The following SACS variants were observed in gnomAD, a reference collection of about 807,000 sequenced individuals.
SACS encodes the protein sacsin.
SACS carries 197 observed loss-of-function variants against 348.0 expected under a neutral mutation model. The ratio of observed to expected loss-of-function variants is 0.57; its 90% CI spans 0.50 to 0.64. The LOEUF is 0.64. Among genes scored for constraint, SACS ranks in the 30% least tolerant of loss-of-function variants. SACS has a pLI of 0.00. For missense variants in SACS, 4,999 were observed against 5,360.8 expected, an observed-to-expected ratio of 0.93 and a Z score of 2.11; for synonymous variants, 1,985 against 1,910.6, an observed-to-expected ratio of 1.04 and a Z score of -1.02.
rs375213876 is a variant in SACS, at chr13:23,333,714, A to G, written c.10162T>C (p.Leu3388=). Residue 3388 remains leucine (L), a synonymous_variant, in exon 10 of 10, where the codon TTG becomes CTG. Coordinates refer to ENST00000382292, the MANE Select transcript of SACS (RefSeq NM_014363.6). ...KLVENDFEAL[L]MYFNCNLNHL... ...TTCAAATTGCAGTTGAAATACATCA[A>G]AAGTGCCTCAAAATCATTTTCTACT... The G allele has an allele frequency of 3.1e-6, 5 of 1,613,740 alleles. No homozygotes were observed. The highest frequency in any genetic ancestry group is 2.2e-5 in the East Asian group (1 of 44,890).
chr13:23,373,594 G>T, intron 3 of SACS: 1 of 152,882 alleles, frequency 6.5e-6, no homozygotes, highest in Non-Finnish European at 1.5e-5. Context: ...TGGCCAACAT[G>T]GTGAACACCG....
intron 8 of SACS, among the ~76,000 whole-genome samples, 194 bp from the exon 9 acceptor site, chr13:23,354,070 T>C: frequency 1.3e-5 from 2 of 152,380 alleles, no homozygotes; most frequent in Non-Finnish European, 2.9e-5. Context: ...GAAGGCATCA[T>C]GTACTTTACT....
rs368089670 is a variant in SACS, at chr13:23,333,800, G to A, written c.10076C>T (p.Thr3359Ile). 49 of 1,613,726 alleles carry A rather than the reference G, an allele frequency of 3.0e-5. No homozygotes were observed. In the African/African-American group the frequency reaches 5.2e-4, roughly 17 times the overall value. Residue 3359 changes from threonine (T) to isoleucine (I), a missense_variant, in exon 10 of 10, where the codon ACA becomes ATA. Thr to Ile is a moderately conservative substitution (Grantham distance 89). This residue lies in a region of SACS where 734 missense variants were observed against 694.0 expected (regional missense o/e 1.06). Transcript: ENST00000382292. The part of the protein sequence containing the change: ...SCHTANIESP[T>I]SILKALHYMV... ...ATAATGTAGAGCCTTCAAGATGCTT[G>A]TGGGGCTCTCTATATTTGCTGTGTG...
At chr13:23,430,933 T>TA (rs746892953) in intron 1 of SACS, among the ~76,000 whole-genome samples, 1 of 152,180 alleles carries the variant, frequency 6.6e-6, no homozygotes, top group Non-Finnish European at 1.5e-5. Flanking sequence ...TTGAGGGGGA[T>TA]ACCATGGTAG....
At chr13:23,380,320 G>A (rs1713954925) in intron 2 of SACS, among the ~76,000 whole-genome samples, 1 of 152,088 alleles carries the variant, frequency 6.6e-6, no homozygotes, top group Non-Finnish European at 1.5e-5. Context: ...TGCACAGGAA[G>A]GAAACCAAAG....
chr13:23,432,642 A>G (rs1874479596), intron 1 of SACS, among the ~76,000 whole-genome samples: 1 of 152,194 alleles, frequency 6.6e-6, no homozygotes, highest in Non-Finnish European at 1.5e-5. Flanking sequence ...GTCATGTGAC[A>G]AATAAAATGG....
rs139886400 is a variant in SACS, at chr13:23,432,665, T to TTTA, written c.-502+947_-502+949dup. Among the ~76,000 whole-genome samples, 1,445 of 152,072 alleles carry TTTA rather than the reference T, an allele frequency of 9.5e-3. 23 individuals carry two copies. Among genetic ancestry groups the TTTA allele is most frequent in the African/African-American group, 0.032 (1,325 of 41,466 alleles). On this transcript the variant is annotated intron_variant, in intron 1 of 9. Transcript: ENST00000382292. ...ACAAATAAAATGGGATTGTCAATTATTTATTATTATTATTATTATTTTCAT... is the reference window on the plus strand; with the variant it reads ...ACAAATAAAATGGGATTGTCAATTATTTATTATTATTATTATTATTATTTTCAT...
At chr13:23,351,018 C>A (rs138237191) in intron 9 of SACS, among the ~76,000 whole-genome samples, 2 of 152,214 alleles carry the variant, frequency 1.3e-5, no homozygotes, top group African/African-American at 4.8e-5. Flanking sequence ...CCAATGCCTG[C>A]CACAGCTATA....
At chr13:23,388,413 GGT>G (rs71788205) in intron 2 of SACS, among the ~76,000 whole-genome samples, 90,791 of 136,530 alleles carry the variant, frequency 0.66, 30,962 homozygotes, top group East Asian at 0.86. Flanking sequence ...TTTAAAAAAT[GGT>G]GTGTGTGTAT....
intron 1 of SACS, among the ~76,000 whole-genome samples, chr13:23,421,227 G>T (rs1039869684): frequency 2.6e-4 from 40 of 152,048 alleles, no homozygotes; most frequent in African/African-American, 9.4e-4. Context: ...GTTCTCCAGG[G>T]GCCTGATGTC....
chr13:23,431,338 C>T (rs936914021), intron 1 of SACS, among the ~76,000 whole-genome samples: 4 of 152,336 alleles, frequency 2.6e-5, no homozygotes, highest in Non-Finnish European at 5.9e-5. Context: ...CAATCCAGTG[C>T]TTTTCCCAAC....
At chr13:23,390,132 G>A (rs763191185) in intron 2 of SACS, among the ~76,000 whole-genome samples, 13 of 152,028 alleles carry the variant, frequency 8.6e-5, no homozygotes, top group Non-Finnish European at 1.2e-4. Flanking sequence ...AGGAGCTTCT[G>A]TAGGCTTCAA....
rs1208564152 is a variant in SACS, at chr13:23,331,076, T to G, written c.12800A>C (p.Glu4267Ala). ...SAPSTPTSPT[E>A]FLTPGLRSIP... is the part of the protein sequence containing the mutation. ...GCTTCTCAGGCCAGGGGTGAGGAAC[T>G]CAGTGGGGCTGGTTGGTGTAGAAGG... The change falls in exon 10 of 10, where the codon GAG (glutamate) becomes GCG (alanine). Residue 4267 changes from glutamate to alanine, a missense_variant. Transcript: ENST00000382292. 2 of 1,614,086 alleles carry G rather than the reference T, an allele frequency of 1.2e-6. No individual in the cohort carries two copies. The highest frequency in any genetic ancestry group is 2.2e-5 in the South Asian group (2 of 91,078).
rs1593123765 is a variant in SACS at position 23,333,539 on chromosome 13, T to G, written c.10337A>C (p.Gln3446Pro). 1 of 1,613,488 alleles carries G rather than the reference T, an allele frequency of 6.2e-7. No individual in the cohort carries two copies. The highest frequency in any genetic ancestry group is 8.5e-7 in the Non-Finnish European group (1 of 1,179,666). Residue 3446 changes from glutamine to proline, a missense_variant, in exon 10 of 10, where the codon CAG becomes CCG. Gln to Pro is a moderately conservative substitution (Grantham distance 76). Transcript: ENST00000382292. ...IPSAEVEKWT[Q>P]SSSSAFLEEK... ...TTCAAGAAATGCAGATGATGATGAC[T>G]GTGTCCATTTCTCCACTTCAGCTGA...
chr13:23,335,277 C>A lies in SACS; in HGVS notation c.8599G>T (p.Ala2867Ser). 6.2e-7 allele frequency: 1 copy of A among 1,613,850 alleles called. No homozygotes were observed. The change falls in exon 10 of 10, where the codon GCC becomes TCC. Residue 2867 changes from alanine (A) to serine (S), a missense_variant. By Grantham distance (99) the Ala-to-Ser change is moderately conservative. Coordinates refer to ENST00000382292, the MANE Select transcript of SACS (RefSeq NM_014363.6). The surrounding 1 kb of genome is among the most constrained non-coding windows in gnomAD (Gnocchi z 4.7). ...AAAGAAAGAGGCAAAAAACAGAAGG[C>A]CCTATGGGGTTTTTTATAGTTGTGA... ...ITHNYKKPHRAFCFLPLSLET... is the reference protein window; with the variant it reads ...ITHNYKKPHRSFCFLPLSLET...
chr13:23,387,473 A>AAG lies in SACS; in HGVS notation c.21-12205_21-12204insCT, dbSNP rs1257463366. ...CAAGACTCCGTCTCAGAAAAAAAAA[A>AAG]AAAAAAAAAAAAAGTCTGTGAATGA... On this transcript the variant is annotated intron_variant, in intron 2 of 9. Transcript: ENST00000382292. 4.6e-3 allele frequency among the ~76,000 whole-genome samples: 688 copies of AAG among 150,940 alleles called. 2 individuals carry two copies. The highest frequency in any genetic ancestry group is 0.016 in the African/African-American group (647 of 41,152).
rs776727312 is a variant in SACS, at chr13:23,333,752, C to G, written c.10124G>C (p.Arg3375Thr). The G allele has an allele frequency of 1.2e-6, 2 of 1,613,756 alleles. No homozygotes were observed. Among genetic ancestry groups the G allele is most frequent in the Admixed American group, 3.3e-5 (2 of 59,982 alleles). Residue 3375 changes from arginine to threonine, a missense_variant, in exon 10 of 10, where the codon AGA (arginine) becomes ACA (threonine). Around this residue, in one of 6 missense-constraint regions of SACS, gnomAD observed 734 missense variants for 694.0 expected, o/e 1.06. Transcript: ENST00000382292. Reference protein sequence around the residue: ...LHYMVQTSTFRAEKLVENDFE... With the variant: ...LHYMVQTSTFTAEKLVENDFE... ...ATCATTTTCTACTAATTTTTCTGCT[C>G]TAAATGTTGAAGTTTGGACCATATA...
In SACS at chr13:23,331,872, A is replaced by G. The variant is rs773165834; in HGVS notation, c.12004T>C (p.Leu4002=). ...FGALCSLQGR[L]QLLLSSEQFI... ...TGTTCAGAAGACAAGAGTAACTGCA[A>G]TCTTCCTTGAAGAGAACACAACGCT... The change falls in exon 10 of 10, where the codon TTG becomes CTG. Residue 4002 remains leucine, a synonymous_variant. Coordinates refer to ENST00000382292, the MANE Select transcript of SACS (RefSeq NM_014363.6). 2.5e-6 allele frequency: 4 copies of G among 1,614,042 alleles called. No individual in the cohort carries two copies. The highest frequency in any genetic ancestry group is 1.1e-5 in the South Asian group (1 of 91,080).
Position 23,329,784 on chromosome 13 carries a change from A to G in SACS, c.*352T>C. 2.1e-6 allele frequency: 1 copy of G among 467,488 alleles called. No individual in the cohort carries two copies. Among genetic ancestry groups the G allele is most frequent in the African/African-American group, 2.0e-5 (1 of 50,600 alleles). 29.0% of individuals were successfully genotyped at this position (467,488 alleles called of 1,614,324 possible). The stretch of plus-strand genomic sequence containing the variant: ...TTTCATTAGCTCCTTCAAAAATACC[A>G]TGTTAAAAACATAAAATTAACTTCA... On this transcript the variant is annotated 3_prime_UTR_variant, in exon 10 of 10. Coordinates refer to ENST00000382292, the MANE Select transcript of SACS (RefSeq NM_014363.6).
Sources: allele counts gnomAD v4.1 joint callset (sites outside exome capture counted in the v4.1 genomes callset), GRCh38; gene constraint gnomAD v4.1.1; regional missense constraint gnomAD v4.1.1; non-coding constraint Gnocchi (gnomAD v3.1); transcripts MANE v1.5; gene names NCBI Gene and HGNC (gene_info 2026-07-23, HGNC 2026-07-21).